The following LPCAT2 variants were observed in gnomAD, a reference collection of about 807,000 sequenced individuals.
LPCAT2 encodes 1-AGP acyltransferase 11.
In LPCAT2, 58 loss-of-function variants were observed where a neutral mutation model predicts 64.7. That is an observed-to-expected ratio of 0.90 (90% CI 0.73 to 1.12). The LOEUF (loss-of-function observed/expected upper bound fraction) is 1.12. Among genes scored for constraint, LPCAT2 ranks in the 50% most tolerant of loss-of-function variants. The pLI is 0.00. For missense variants in LPCAT2, 579 were observed against 669.8 expected (o/e 0.86, Z 1.50); for synonymous variants, 252 against 245.3 (o/e 1.03, Z -0.26).
At chr16:55,534,735 G>A (rs768924059) in intron 7 of LPCAT2, among the ~76,000 whole-genome samples, 4 of 152,000 alleles carry the variant, frequency 2.6e-5, no homozygotes, top group Non-Finnish European at 4.4e-5. Context: ...GGTCTCAAGT[G>A]TTTGCTAGTT....
At position 55,509,185 on chromosome 16, in the gene LPCAT2, A is replaced by T. The variant is rs756253465; in HGVS notation, c.4A>T (p.Ser2Cys). 1.9e-5 allele frequency: 26 copies of T among 1,393,546 alleles called. No individual in the cohort carries two copies. In the South Asian group the frequency reaches 2.4e-4, roughly 13 times the overall value. The allele number at this position is 1,393,546 out of a possible 1,614,324, so 86.3% of individuals were successfully genotyped here. The change falls in exon 1 of 14, where the codon AGC (serine) becomes TGC (cysteine). Residue 2 changes from serine to cysteine, a missense_variant. Ser to Cys is a moderately radical substitution (Grantham distance 112). Transcript: ENST00000262134. ...GGGTTCTACGCCCGGCTCAACTATG[A>T]GCCGGTGCGCCCAGGCGGCGGAAGT... Reference protein sequence around the residue: MSRCAQAAEVAA... With the variant: MCRCAQAAEVAA...
intron 7 of LPCAT2, among the ~76,000 whole-genome samples, chr16:55,535,324 G>C (rs147504986): frequency 7.2e-4 from 110 of 152,202 alleles, no homozygotes; most frequent in African/African-American, 2.6e-3. Context: ...TAACTTCAAC[G>C]TAATCCAACC....
At position 55,545,783 on chromosome 16, in the gene LPCAT2, CT is replaced by C. The variant is rs758253483; in HGVS notation, c.906del (p.Phe302LeufsTer8). The C allele has an allele frequency of 6.2e-6, 10 of 1,612,734 alleles. No individual in the cohort carries two copies. Among genetic ancestry groups the C allele is most frequent in the Non-Finnish European group, 5.9e-6 (7 of 1,179,320 alleles). On this transcript the variant is annotated frameshift_variant, in exon 9 of 14. Coordinates refer to ENST00000262134, the MANE Select transcript of LPCAT2 (RefSeq NM_017839.5). LOFTEE classifies it high-confidence loss of function. Reference sequence around the variant, plus strand: ...TGATGAAGAAAAAAATGATCCTGTCCTTTTTGCCAATAAAGTCCGGAATTTA... The same window carrying C: ...TGATGAAGAAAAAAATGATCCTGTCCTTTTGCCAATAAAGTCCGGAATTTA... ...PNDEEKNDPV[L>X]FANKVRNLMA...
chr16:55,578,956 T>G, intron 12 of LPCAT2, 153 bp from the exon 13 acceptor site: 1 of 689,934 alleles, frequency 1.4e-6, no homozygotes, highest in Non-Finnish European at 2.5e-6. Context: ...GCTACAGGTG[T>G]TGTGAGGGTA....
At chr16:55,511,168 G>T (rs2142385166) in intron 1 of LPCAT2, among the ~76,000 whole-genome samples, 1 of 152,222 alleles carries the variant, frequency 6.6e-6, no homozygotes, top group Admixed American at 6.5e-5. Flanking sequence ...GTTATTGTTT[G>T]TTGATCTTAA....
chr16:55,554,157 T>C (rs1250297100), intron 11 of LPCAT2, among the ~76,000 whole-genome samples: 1 of 152,148 alleles, frequency 6.6e-6, no homozygotes, highest in Non-Finnish European at 1.5e-5. Context: ...CAAGTGAGCA[T>C]TGACTTCAAC....
At chr16:55,573,495 T>C (rs1338078790) in intron 11 of LPCAT2, among the ~76,000 whole-genome samples, 2 of 152,136 alleles carry the variant, frequency 1.3e-5, no homozygotes. Context: ...GATTGAAGCG[T>C]AGATACTTCA....
chr16:55,512,758 A>G (rs1362075072), intron 1 of LPCAT2, among the ~76,000 whole-genome samples: 1 of 152,220 alleles, frequency 6.6e-6, no homozygotes, highest in Non-Finnish European at 1.5e-5. Flanking sequence ...CAGGGAAGGC[A>G]CAGTTAGAAT....
At chr16:55,513,974 G>A (rs1331026404) in intron 1 of LPCAT2, among the ~76,000 whole-genome samples, 1 of 152,174 alleles carries the variant, frequency 6.6e-6, no homozygotes, top group Non-Finnish European at 1.5e-5. Context: ...AGGCTCATGT[G>A]AGAGGATTGC....
chr16:55,576,347 C>A (rs1441451769), intron 12 of LPCAT2, among the ~76,000 whole-genome samples: 1 of 152,110 alleles, frequency 6.6e-6, no homozygotes, highest in African/African-American at 2.4e-5. Context: ...ATTTGGATAG[C>A]ACTTCACAGT....
intron 6 of LPCAT2, among the ~76,000 whole-genome samples, chr16:55,533,827 T>C (rs893845624): frequency 6.6e-6 from 1 of 152,162 alleles, no homozygotes; most frequent in Admixed American, 6.6e-5. Flanking sequence ...AAGAAAGATT[T>C]TTGAGGGAAT....
At position 55,584,765 on chromosome 16, in the gene LPCAT2, T is replaced by C. The variant is rs1221460475; in HGVS notation, c.*1667T>C. 3 of 152,208 alleles carry C rather than the reference T, an allele frequency of 2.0e-5. No homozygotes were observed. The highest frequency in any genetic ancestry group is 7.2e-5 in the African/African-American group (3 of 41,462). The allele number at this position is 152,208 out of a possible 1,614,324, so 9.4% of individuals were successfully genotyped here. ...ACATATTAAGCAGTTAGTGTTCTAA[T>C]TTAATGGGTAAATGTGTGTTTGGAT... is the stretch of plus-strand genomic sequence containing the variant. On this transcript the variant is annotated 3_prime_UTR_variant, in exon 14 of 14. Transcript: ENST00000262134.
intron 11 of LPCAT2, among the ~76,000 whole-genome samples, chr16:55,568,369 T>C (rs1963731527): frequency 6.6e-6 from 1 of 152,220 alleles, no homozygotes; most frequent in Non-Finnish European, 1.5e-5. Flanking sequence ...AAAATTCTTT[T>C]GTTCATCTTT....
chr16:55,551,600 C>T (rs1963519071), intron 11 of LPCAT2, among the ~76,000 whole-genome samples: 1 of 152,044 alleles, frequency 6.6e-6, no homozygotes, highest in Non-Finnish European at 1.5e-5. Flanking sequence ...TTTCAAGTGA[C>T]ATTTTGTAAC....
chr16:55,534,156 A>T (rs1211207833), intron 6 of LPCAT2, among the ~76,000 whole-genome samples: 1 of 152,132 alleles, frequency 6.6e-6, no homozygotes, highest in Non-Finnish European at 1.5e-5. Flanking sequence ...AGATATGTTC[A>T]TATTAGGAGA....
At chr16:55,520,279 G>A (rs1476746869) in intron 1 of LPCAT2, among the ~76,000 whole-genome samples, 5 of 152,082 alleles carry the variant, frequency 3.3e-5, no homozygotes, top group Non-Finnish European at 5.9e-5. Flanking sequence ...GACATGTCAT[G>A]ATATCAGATA....
rs1963370011 is a variant in LPCAT2 at position 55,539,481 on chromosome 16, G to A, written c.852+1849G>A. 2 of 152,092 alleles carry A rather than the reference G, an allele frequency of 1.3e-5. 1 individual carries two copies. The highest frequency in any genetic ancestry group is 4.1e-4 in the South Asian group (2 of 4,830). The allele number at this position is 152,092 out of a possible 1,614,324, so 9.4% of individuals were successfully genotyped here. ...TGGGAATTTGTGGACTTCAAATTTA[G>A]TACAAATATTCTTATTTTAATTATG... On this transcript the variant is annotated intron_variant, in intron 8 of 13. Transcript: ENST00000262134.
chr16:55,517,219 G>T (rs978653214), intron 1 of LPCAT2, among the ~76,000 whole-genome samples: 26 of 152,020 alleles, frequency 1.7e-4, no homozygotes, highest in Non-Finnish European at 2.9e-4. Context: ...ATGAACAAAT[G>T]CATGCTAACA....
chr16:55,558,642 C>A (rs1963602651), intron 11 of LPCAT2, among the ~76,000 whole-genome samples: 1 of 152,102 alleles, frequency 6.6e-6, no homozygotes, highest in African/African-American at 2.4e-5. Flanking sequence ...TGTAAAGGAC[C>A]AGATAGAAAA....
Sources: allele counts gnomAD v4.1 joint callset (sites outside exome capture counted in the v4.1 genomes callset), GRCh38; gene constraint gnomAD v4.1.1; transcripts MANE v1.5; gene names NCBI Gene and HGNC (gene_info 2026-07-23, HGNC 2026-07-21).